The following KDM3A variants were observed in gnomAD, a reference collection of about 807,000 sequenced individuals.
KDM3A encodes the protein lysine-specific demethylase 3A.
Under a neutral mutation model 158.0 loss-of-function variants are expected in KDM3A, and 60 were observed. The observed-to-expected ratio is 0.38, with a 90% CI of 0.31 to 0.47. The LOEUF (loss-of-function observed/expected upper bound fraction) is 0.47. KDM3A is among the 20% of genes least tolerant of loss of function. The pLI, the probability that KDM3A is intolerant of heterozygous loss-of-function variation, is 0.99. For synonymous variants in KDM3A, 608 were observed against 549.3 expected (o/e 1.11, Z -1.49); for missense variants, 1,319 against 1,574.3 (o/e 0.84, Z 2.74).
At chr2:86,455,411 C>A (rs1672648176) in intron 5 of KDM3A, among the ~76,000 whole-genome samples, 1 of 151,644 alleles carries the variant, frequency 6.6e-6, no homozygotes, top group African/African-American at 2.4e-5. Context: ...CACCACCACA[C>A]CCGGCTAGTT....
upstream of KDM3A, chr2:86,440,764 A>C (rs1158774684): frequency 6.6e-6 from 1 of 152,236 alleles, no homozygotes; most frequent in Non-Finnish European, 1.5e-5. Flanking sequence ...CCAGCAGCCT[A>C]AGCTCGGCGA....
At chr2:86,490,501 T>C (rs1194544442) in intron 23 of KDM3A, 1 of 160,134 alleles carries the variant, frequency 6.2e-6, no homozygotes, top group East Asian at 1.8e-4. Context: ...AATCTGCAGC[T>C]GTCTTTGGGA....
intron 2 of KDM3A, among the ~76,000 whole-genome samples, chr2:86,447,301 T>A (rs1410647360): frequency 6.6e-6 from 1 of 151,924 alleles, no homozygotes; most frequent in Admixed American, 6.5e-5. Flanking sequence ...TTTTTTTTTT[T>A]TTTCAAATCA....
chr2:86,464,304 G>A (rs1673045192), intron 9 of KDM3A, 88 bp downstream of exon 9: 2 of 1,072,606 alleles, frequency 1.9e-6, no homozygotes, highest in South Asian at 2.4e-5. Context: ...TGGTTGTCCA[G>A]GGAGGTTTTT....
intron 5 of KDM3A, 82 bp from the exon 6 acceptor site, chr2:86,456,360 G>A (rs1672693821): frequency 2.9e-6 from 3 of 1,019,600 alleles, no homozygotes; most frequent in South Asian, 1.9e-5. Flanking sequence ...AAAAGACTTA[G>A]GAAAAGATTG....
rs114206793 is a variant in KDM3A at position 86,448,533 on chromosome 2, A to T, written c.187-1274A>T. Among the ~76,000 whole-genome samples, 912 of 152,318 alleles carry T rather than the reference A, an allele frequency of 6.0e-3. 6 individuals are homozygous for T. The highest frequency in any genetic ancestry group is 0.021 in the African/African-American group (879 of 41,576). On this transcript the variant is annotated intron_variant, in intron 2 of 25. Transcript: ENST00000312912. ...ATGCAAAGTGTGGATAAGAGCTAAG[A>T]CGGAAAAGTACAAAACTTTGAGTAC...
At position 86,474,934 on chromosome 2, in the gene KDM3A, A is replaced by G. The variant is rs749828965; in HGVS notation, c.1883A>G (p.His628Arg). 71 of 1,614,008 alleles carry G rather than the reference A, an allele frequency of 4.4e-5. No individual in the cohort carries two copies. Among genetic ancestry groups the G allele is most frequent in the Non-Finnish European group, 5.5e-5 (65 of 1,180,028 alleles). ...TACATCTTGGCCAACATTGGAGACCACTTCTGTCAAATGGTGATTTCTGAA... is the reference window on the plus strand; with the variant it reads ...TACATCTTGGCCAACATTGGAGACCGCTTCTGTCAAATGGTGATTTCTGAA... ...AKYILANIGD[H>R]FCQMVISEKE... The change falls in exon 12 of 26, where the codon CAC becomes CGC. Residue 628 changes from histidine to arginine, a missense_variant. Around this residue, in one of 4 missense-constraint regions of KDM3A, gnomAD observed 113 missense variants for 190.5 expected, o/e 0.59. Coordinates refer to ENST00000312912, the MANE Select transcript of KDM3A (RefSeq NM_018433.6).
At chr2:86,444,595 G>C (rs1682878965) in intron 2 of KDM3A, among the ~76,000 whole-genome samples, 1 of 141,688 alleles carries the variant, frequency 7.1e-6, no homozygotes, top group South Asian at 2.2e-4. Context: ...ATGGAGGCAG[G>C]AACCAAGTAA....
chr2:86,451,665 TC>T (rs1382271439), intron 4 of KDM3A, among the ~76,000 whole-genome samples: 2 of 152,160 alleles, frequency 1.3e-5, no homozygotes, highest in African/African-American at 4.8e-5. Context: ...ACTGTGTTGT[TC>T]AGTGGCCAAC....
chr2:86,480,369 G>GT lies in KDM3A; in HGVS notation c.2512+10dup. On this transcript the variant is annotated splice_region_variant and intron_variant, in intron 16 of 25. Coordinates refer to ENST00000312912, the MANE Select transcript of KDM3A (RefSeq NM_018433.6). The stretch of plus-strand genomic sequence containing the variant: ...GTCAACAAGGAAAACAAGGGTGAGT[G>GT]TTTCCTGCTTTTGTGTTTGTTCTTG... The GT allele has an allele frequency of 1.9e-6, 3 of 1,606,366 alleles. No individual in the cohort carries two copies. The highest frequency in any genetic ancestry group is 2.6e-6 in the Non-Finnish European group (3 of 1,174,106).
intron 2 of KDM3A, among the ~76,000 whole-genome samples, chr2:86,447,080 G>A (rs555719647): frequency 6.6e-6 from 1 of 152,286 alleles, no homozygotes; most frequent in South Asian, 2.1e-4. Context: ...CCAAAGTGCC[G>A]GGATTACAGG....
In KDM3A at chr2:86,477,852, C is replaced by CT. The variant is rs781386137; in HGVS notation, c.1940-24dup. The CT allele has an allele frequency of 8.2e-6, 13 of 1,577,052 alleles. No individual in the cohort carries two copies. In the South Asian group the frequency reaches 9.3e-5, roughly 11 times the overall value. ...TTCAGAAGCCCTCTCCTTCCAAAGA[C>CT]TAAGTGATTTACTGATTTTTGCAGG... On this transcript the variant is annotated intron_variant, in intron 12 of 25. Transcript: ENST00000312912.
intron 21 of KDM3A, among the ~76,000 whole-genome samples, chr2:86,486,561 A>G (rs188484675): frequency 9.2e-5 from 14 of 152,226 alleles, no homozygotes; most frequent in African/African-American, 2.9e-4. Context: ...TTATTTACTC[A>G]TTTTTACTAT....
intron 8 of KDM3A, among the ~76,000 whole-genome samples, chr2:86,460,195 C>T (rs2104651575): frequency 6.6e-6 from 1 of 152,254 alleles, no homozygotes; most frequent in East Asian, 1.9e-4. Flanking sequence ...TCTCTTCTCC[C>T]CCTGTATTTA....
intron 10 of KDM3A, 62 bp downstream of exon 10, chr2:86,466,945 T>G: frequency 7.8e-7 from 1 of 1,286,290 alleles, no homozygotes; most frequent in South Asian, 1.5e-5. Flanking sequence ...ATATATCTCT[T>G]TCTTGTCCTA....
chr2:86,464,673 T>C (rs1384070846), intron 9 of KDM3A, among the ~76,000 whole-genome samples: 1 of 152,158 alleles, frequency 6.6e-6, no homozygotes, highest in Non-Finnish European at 1.5e-5. Flanking sequence ...GGAAGCAATA[T>C]CTGTAGGTGG....
chr2:86,442,679 C>T (rs949922), intron 2 of KDM3A: 13,016 of 155,048 alleles, frequency 0.084, 1,208 homozygotes, highest in African/African-American at 0.24. Flanking sequence ...AACTTTCAGA[C>T]TTGTTAAAAA....
chr2:86,478,892 A>G, intron 15 of KDM3A, 157 bp downstream of exon 15: 1 of 674,864 alleles, frequency 1.5e-6, no homozygotes, highest in Non-Finnish European at 2.4e-6. Context: ...TTCATGTGAC[A>G]GTTCAGAGAC....
Position 86,485,865 on chromosome 2 carries a change from G to C in KDM3A, c.3313+6G>C. 6.2e-7 allele frequency: 1 copy of C among 1,605,514 alleles called. No homozygotes were observed. The highest frequency in any genetic ancestry group is 1.1e-5 in the South Asian group (1 of 90,764). ...CAAGATGTATAATGCTTATGGTAAG[G>C]AGGAGATGGCTAACTTTAAAATGGA... On this transcript the variant is annotated splice_donor_region_variant and intron_variant, in intron 21 of 25. Coordinates refer to ENST00000312912, the MANE Select transcript of KDM3A (RefSeq NM_018433.6).
Sources: allele counts gnomAD v4.1 joint callset (sites outside exome capture counted in the v4.1 genomes callset), GRCh38; gene constraint gnomAD v4.1.1; regional missense constraint gnomAD v4.1.1; transcripts MANE v1.5; gene names NCBI Gene and HGNC (gene_info 2026-07-23, HGNC 2026-07-21).